TAFA5: variants seen among roughly 807,000 people sequenced by gnomAD.
TAFA5 encodes chemokine-like protein TAFA-5.
In TAFA5, 6 loss-of-function variants were observed where a neutral mutation model predicts 15.3. The ratio of observed to expected loss-of-function variants is 0.39; its 90% confidence interval spans 0.21 to 0.77. The LOEUF is 0.77. TAFA5 is among the 30% of genes least tolerant of loss of function. The probability of loss-of-function intolerance (pLI) is 0.41; values close to 1 mark genes in which losing one functional copy is unlikely to be tolerated. For missense variants in TAFA5, 161 were observed against 193.1 expected (o/e 0.83, Z 0.98); for synonymous variants, 103 against 80.7 (o/e 1.28, Z -1.48).
intron 1 of TAFA5, among the ~76,000 whole-genome samples, chr22:48,531,291 T>C (rs975887470): frequency 6.6e-6 from 1 of 152,176 alleles, no homozygotes; most frequent in African/African-American, 2.4e-5. Context: ...CTTGGGAGCC[T>C]GTCCTGGGCA....
At chr22:48,520,316 G>A (rs904829850) in intron 1 of TAFA5, among the ~76,000 whole-genome samples, 1 of 152,258 alleles carries the variant, frequency 6.6e-6, no homozygotes, top group Non-Finnish European at 1.5e-5. Flanking sequence ...GGGGTGTGAG[G>A]GTCCCAGTAC....
intron 1 of TAFA5, among the ~76,000 whole-genome samples, chr22:48,495,048 G>A (rs1036989081): frequency 2.0e-5 from 3 of 152,200 alleles, no homozygotes; most frequent in African/African-American, 7.2e-5. Flanking sequence ...CCTGCGGGAC[G>A]GTGGGTCTGG....
intron 1 of TAFA5, among the ~76,000 whole-genome samples, chr22:48,540,524 CG>C (rs780502374): frequency 2.6e-5 from 4 of 152,074 alleles, no homozygotes; most frequent in Non-Finnish European, 5.9e-5. Flanking sequence ...GGGTGTCCTC[CG>C]CCCCGGCAAA....
intron 1 of TAFA5, among the ~76,000 whole-genome samples, chr22:48,639,868 C>G (rs1347437850): frequency 6.6e-6 from 1 of 152,210 alleles, no homozygotes; most frequent in African/African-American, 2.4e-5. Flanking sequence ...CTGGGCAGGG[C>G]TCTGGGAATT....
intron 2 of TAFA5, among the ~76,000 whole-genome samples, chr22:48,698,427 T>C (rs1928796775): frequency 6.6e-6 from 1 of 151,588 alleles, no homozygotes; most frequent in Non-Finnish European, 1.5e-5. Flanking sequence ...ATGGTGGTTG[T>C]GATGGTGGTG....
rs1401894165 is a variant in TAFA5, at chr22:48,703,219, A to ATGTG, written c.263-4498_263-4497insTGTG. 2.3e-3 allele frequency among the ~76,000 whole-genome samples: 351 copies of ATGTG among 151,280 alleles called. 1 individual carries two copies. Among genetic ancestry groups the ATGTG allele is most frequent in the African/African-American group, 7.5e-3 (309 of 40,930 alleles). On this transcript the variant is annotated intron_variant, in intron 2 of 3. Coordinates refer to ENST00000402357, the MANE Select transcript of TAFA5 (RefSeq NM_001082967.3). ...TGGTGTATACATGTGTGTGATGTGTACGTGTGTGTGTTGTGTACATGTGTG... is the reference window on the plus strand; with the variant it reads ...TGGTGTATACATGTGTGTGATGTGTATGTGCGTGTGTGTGTTGTGTACATGTGTG...
At chr22:48,506,349 G>A (rs1920997622) in intron 1 of TAFA5, among the ~76,000 whole-genome samples, 2 of 152,228 alleles carry the variant, frequency 1.3e-5, no homozygotes, top group African/African-American at 4.8e-5. Context: ...TGTGCTCCAT[G>A]GGGGAACATG....
chr22:48,616,498 T>TGCACTCGG (rs1925610687), intron 1 of TAFA5, among the ~76,000 whole-genome samples: 1 of 152,176 alleles, frequency 6.6e-6, no homozygotes, highest in African/African-American at 2.4e-5. Context: ...CACCCGCCCA[T>TGCACTCGG]GCACTCGGGA....
chr22:48,547,456 C>T (rs1282594979), intron 1 of TAFA5: 2 of 152,222 alleles, frequency 1.3e-5, no homozygotes, highest in Non-Finnish European at 2.9e-5. Context: ...TGTGATGTCA[C>T]ATCAGCCCCA....
intron 1 of TAFA5, among the ~76,000 whole-genome samples, chr22:48,514,717 C>T (rs1034075764): frequency 1.3e-5 from 2 of 152,218 alleles, no homozygotes; most frequent in African/African-American, 4.8e-5. Flanking sequence ...AAATTGAGCA[C>T]AAAACATAGC....
intron 1 of TAFA5, among the ~76,000 whole-genome samples, chr22:48,500,250 T>C (rs1920944845): frequency 6.6e-6 from 1 of 152,106 alleles, no homozygotes; most frequent in Admixed American, 6.5e-5. Flanking sequence ...GATGGCAGGC[T>C]CGTCTGGGCC....
intron 1 of TAFA5, among the ~76,000 whole-genome samples, chr22:48,637,907 C>T (rs776439148): frequency 6.6e-6 from 1 of 152,160 alleles, no homozygotes; most frequent in Admixed American, 6.5e-5. Context: ...GCCTTGAAAA[C>T]AGAGCCGAGC....
intron 1 of TAFA5, among the ~76,000 whole-genome samples, chr22:48,522,206 C>T (rs1921625474): frequency 6.6e-6 from 1 of 151,996 alleles, no homozygotes; most frequent in Non-Finnish European, 1.5e-5. Flanking sequence ...CCTCCTCCCA[C>T]CCCTCCCTCT....
intron 2 of TAFA5, among the ~76,000 whole-genome samples, chr22:48,662,191 A>C (rs1927464867): frequency 6.6e-6 from 1 of 152,152 alleles, no homozygotes; most frequent in Non-Finnish European, 1.5e-5. Flanking sequence ...CTGTGGGGAC[A>C]GCGGGAGGAG....
intron 1 of TAFA5, among the ~76,000 whole-genome samples, chr22:48,642,024 C>T (rs574092766): frequency 6.2e-4 from 94 of 151,614 alleles, no homozygotes; most frequent in Non-Finnish European, 9.1e-4. Context: ...CTGCTGGCAT[C>T]GTGGGTGGAC....
chr22:48,633,435 G>A (rs34766367), intron 1 of TAFA5, among the ~76,000 whole-genome samples: 7,141 of 152,064 alleles, frequency 0.047, 315 homozygotes, highest in African/African-American at 0.1. Flanking sequence ...CACCACCCAC[G>A]TGCAGGGGCT....
At chr22:48,704,063 A>T (rs747736185) in intron 2 of TAFA5, among the ~76,000 whole-genome samples, 17 of 152,134 alleles carry the variant, frequency 1.1e-4, no homozygotes, top group Non-Finnish European at 2.1e-4. Context: ...GCCACATTGC[A>T]CTAAAGACTA....
chr22:48,685,528 C>A (rs375890890), intron 2 of TAFA5, among the ~76,000 whole-genome samples: 113 of 152,234 alleles, frequency 7.4e-4, no homozygotes, highest in African/African-American at 2.7e-3. Flanking sequence ...AATTTGGTAT[C>A]TTATTGCCAC....
chr22:48,513,806 A>G (rs979405551), intron 1 of TAFA5, among the ~76,000 whole-genome samples: 2 of 151,910 alleles, frequency 1.3e-5, no homozygotes, highest in African/African-American at 4.8e-5. Context: ...CTGTCTGCCC[A>G]CTCCCACAGT....
Sources: gnomAD v4.1 joint callset for allele counts (sites outside exome capture counted in the v4.1 genomes callset) on GRCh38, gnomAD v4.1.1 for gene constraint, MANE v1.5 for transcripts, NCBI Gene and HGNC (gene_info 2026-07-23, HGNC 2026-07-21) for gene names.